The following CCDC18 variants were observed in gnomAD, a reference collection of about 807,000 sequenced individuals.
CCDC18 encodes the protein coiled-coil domain containing 18.
CCDC18 carries 157 observed loss-of-function variants against 196.0 expected under a neutral mutation model. That is an observed-to-expected ratio of 0.80 (90% CI 0.70 to 0.91). The LOEUF (loss-of-function observed/expected upper bound fraction) is 0.91, where lower values mean the gene tolerates loss of function less well. Ranked by LOEUF, CCDC18 falls within the 40% of genes least tolerant of loss-of-function variation. The pLI, the probability that CCDC18 is intolerant of heterozygous loss-of-function variation, is 0.00. For missense variants in CCDC18, 1,465 were observed against 1,611.6 expected (o/e 0.91, Z 1.56); for synonymous variants, 482 against 529.2 (o/e 0.91, Z 1.22).
At chr1:93,191,153 G>T in intron 4 of CCDC18, 1 of 470,768 alleles carries the variant, frequency 2.1e-6, no homozygotes. Flanking sequence ...TCTCACCTGT[G>T]GGATAACCCA....
At chr1:93,180,675 C>T (rs371429906), upstream of CCDC18, 3 of 1,336,828 alleles carry the variant, frequency 2.2e-6, no homozygotes, top group Non-Finnish European at 9.9e-7. Flanking sequence ...GCAGTCTGCG[C>T]CGGGGCGGGG....
At position 93,193,718 on chromosome 1, in the gene CCDC18, AC is replaced by A; in HGVS notation, c.673del (p.Glu226AsnfsTer23). ...AATGTATAAAATTAAAGGTGGACTT[AC>A]TTGAACAAACCAAACAAGGAAAAAG... is the stretch of plus-strand genomic sequence containing the variant. ...EECIKLKVDL[L>X]EQTKQGKRAE... On this transcript the variant is annotated frameshift_variant, in exon 6 of 29. Coordinates refer to ENST00000690025, the MANE Select transcript of CCDC18 (RefSeq NM_001378204.1). LOFTEE classifies it high-confidence loss of function. The A allele has an allele frequency of 1.3e-6, 2 of 1,574,674 alleles. No individual in the cohort carries two copies. Among genetic ancestry groups the A allele is most frequent in the Non-Finnish European group, 1.7e-6 (2 of 1,165,836 alleles).
At position 93,276,016 on chromosome 1, in the gene CCDC18, G is replaced by A. The variant is rs571348737; in HGVS notation, c.4354-2447G>A. On this transcript the variant is annotated intron_variant, in intron 28 of 28. Transcript: ENST00000690025. ...TAGCATTTGACTCATCAGCTGATTC[G>A]TCTAAAGGACTCTTAAGCAATTTTT... Among the ~76,000 whole-genome samples the A allele has an allele frequency of 2.6e-5, 4 of 152,332 alleles. No individual in the cohort carries two copies. In the East Asian group the frequency reaches 5.8e-4, roughly 22 times the overall value.
intron 23 of CCDC18, among the ~76,000 whole-genome samples, chr1:93,254,180 G>C (rs1471254591): frequency 6.6e-6 from 1 of 151,944 alleles, no homozygotes; most frequent in Non-Finnish European, 1.5e-5. Flanking sequence ...AATCGCTTTT[G>C]GGGTACAAGT....
rs1294113268 is a variant in CCDC18, at chr1:93,193,651, T to C, written c.605T>C (p.Met202Thr). 6.3e-7 allele frequency: 1 copy of C among 1,592,722 alleles called. No individual in the cohort carries two copies. The highest frequency in any genetic ancestry group is 2.3e-5 in the East Asian group (1 of 43,088). Reference sequence around the variant, plus strand: ...AATAAGCTGGAACAGAGCCAGAAAATGGTAATTGAAAAGGAACAGAGTTTG... The same window carrying C: ...AATAAGCTGGAACAGAGCCAGAAAACGGTAATTGAAAAGGAACAGAGTTTG... Reference protein sequence around the residue: ...AENKLEQSQKMVIEKEQSLQE... With the variant: ...AENKLEQSQKTVIEKEQSLQE... Residue 202 changes from methionine to threonine, a missense_variant, in exon 6 of 29, where the codon ATG becomes ACG. Coordinates refer to ENST00000690025, the MANE Select transcript of CCDC18 (RefSeq NM_001378204.1).
intron 28 of CCDC18, among the ~76,000 whole-genome samples, chr1:93,275,485 C>T (rs1197333678): frequency 6.6e-6 from 1 of 152,132 alleles, no homozygotes; most frequent in East Asian, 1.9e-4. Context: ...TTTCACCTGC[C>T]ACTTAAGTAT....
chr1:93,246,771 CCTATT>C, intron 22 of CCDC18, 62 bp from the exon 23 acceptor site: 1 of 738,944 alleles, frequency 1.4e-6, no homozygotes, highest in Non-Finnish European at 2.4e-6. Flanking sequence ...AATTACAAAG[CCTATT>C]CTAAGCATAC....
chr1:93,212,099 A>C lies in CCDC18; in HGVS notation c.1335-2A>C. ...TTTTTCCCTTCTTTTCTTTTGTGCC[A>C]GAATTAAGCTTGCAATAAAAGAGGC... On this transcript the variant is annotated splice_acceptor_variant, in intron 10 of 28. Coordinates refer to ENST00000690025, the MANE Select transcript of CCDC18 (RefSeq NM_001378204.1). LOFTEE classifies it high-confidence loss of function. 1 of 1,591,066 alleles carries C rather than the reference A, an allele frequency of 6.3e-7. No homozygotes were observed. The highest frequency in any genetic ancestry group is 8.5e-7 in the Non-Finnish European group (1 of 1,173,452).
In CCDC18 at chr1:93,239,713, C is replaced by G; in HGVS notation, c.2798C>G (p.Thr933Ser). 6.2e-7 allele frequency: 1 copy of G among 1,613,306 alleles called. No homozygotes were observed. The highest frequency in any genetic ancestry group is 8.5e-7 in the Non-Finnish European group (1 of 1,179,432). ...VKELEKLQHS[T>S]ETELTEALQK... ...GAGTTAGAAAAGTTACAGCACAGTA[C>G]TGAAACTGAACTAACAGAAGCCTTG... Residue 933 changes from threonine to serine, a missense_variant, in exon 21 of 29, where the codon ACT (threonine) becomes AGT (serine). Physicochemically the swap from Thr to Ser is moderately conservative, Grantham distance 58. Transcript: ENST00000690025.
At position 93,278,441 on chromosome 1, in the gene CCDC18, CTAT is replaced by C. The variant is rs752593008; in HGVS notation, c.4354-17_4354-15del. On this transcript the variant is annotated intron_variant, in intron 28 of 28. Coordinates refer to ENST00000690025, the MANE Select transcript of CCDC18 (RefSeq NM_001378204.1). ...GTTTAGGAATATTTCAAATATTAAT[CTAT>C]TATTTTGCATTATTCTAGGGAGAAA... 3 of 984,346 alleles carry C rather than the reference CTAT, an allele frequency of 3.0e-6. No homozygotes were observed. The highest frequency in any genetic ancestry group is 1.7e-5 in the African/African-American group (1 of 58,496). The allele number at this position is 984,346 out of a possible 1,614,324, so 61.0% of individuals were successfully genotyped here.
intron 14 of CCDC18, among the ~76,000 whole-genome samples, chr1:93,219,866 A>C (rs781344750): frequency 5.9e-5 from 9 of 152,204 alleles, no homozygotes; most frequent in Non-Finnish European, 7.3e-5. Context: ...ACAGAGAAAA[A>C]ATTTTTTTTC....
intron 6 of CCDC18, among the ~76,000 whole-genome samples, chr1:93,197,876 C>CT: frequency 6.7e-6 from 1 of 149,918 alleles, no homozygotes; most frequent in Non-Finnish European, 1.5e-5. Context: ...TTCAGCCTCT[C>CT]TAGTAGCTGG....
intron 6 of CCDC18, among the ~76,000 whole-genome samples, chr1:93,195,894 G>T (rs900014639): frequency 6.6e-6 from 1 of 152,164 alleles, no homozygotes; most frequent in Non-Finnish European, 1.5e-5. Context: ...GAGATTGAAA[G>T]ATCAGAACCT....
At chr1:93,239,219 C>T in intron 19 of CCDC18, 91 bp from the exon 20 acceptor site, 20 of 935,056 alleles carry the variant, frequency 2.1e-5, no homozygotes, top group South Asian at 1.2e-4. Context: ...GATATTTGTC[C>T]TTATATAACT....
intron 28 of CCDC18, among the ~76,000 whole-genome samples, chr1:93,277,882 G>T (rs1665710540): frequency 6.6e-6 from 1 of 151,914 alleles, no homozygotes; most frequent in Non-Finnish European, 1.5e-5. Flanking sequence ...ATGCCAAAAT[G>T]TTATATTTAT....
chr1:93,273,546 G>A (rs577549771), intron 28 of CCDC18: 1 of 152,286 alleles, frequency 6.6e-6, no homozygotes, highest in East Asian at 1.9e-4. Context: ...TCTGTCATGT[G>A]GAACAACCGT....
chr1:93,255,845 T>G (rs1362291132), intron 24 of CCDC18, among the ~76,000 whole-genome samples: 1 of 152,036 alleles, frequency 6.6e-6, no homozygotes, highest in Middle Eastern at 3.2e-3. Context: ...TATTAGAAAT[T>G]TAATTGAGTA....
intron 28 of CCDC18, among the ~76,000 whole-genome samples, chr1:93,275,766 A>G (rs773112206): frequency 6.6e-6 from 1 of 152,212 alleles, no homozygotes; most frequent in Non-Finnish European, 1.5e-5. Context: ...TGTTTGCCCT[A>G]GCTATCATCC....
intron 5 of CCDC18, 139 bp from the exon 6 acceptor site, chr1:93,193,477 C>T: frequency 5.8e-6 from 3 of 516,404 alleles, no homozygotes; most frequent in Non-Finnish European, 9.7e-6. Flanking sequence ...ATGAATATGC[C>T]TTTTTCTCTA....
Sources: gnomAD v4.1 joint callset for allele counts (sites outside exome capture counted in the v4.1 genomes callset) on GRCh38, gnomAD v4.1.1 for gene constraint, MANE v1.5 for transcripts, NCBI Gene and HGNC (gene_info 2026-07-23, HGNC 2026-07-21) for gene names.